The following NLRP13 variants were observed in gnomAD, a reference collection of about 807,000 sequenced individuals.
NLRP13 encodes the protein NLR family pyrin domain containing 13.
A neutral mutation model predicts 94.4 loss-of-function variants in NLRP13; 82 were observed. That is an observed-to-expected ratio of 0.87 (90% CI 0.73 to 1.04). The LOEUF (loss-of-function observed/expected upper bound fraction) is 1.04, where lower values mean the gene tolerates loss of function less well. Ranked by LOEUF, NLRP13 falls within the 50% of genes least tolerant of loss-of-function variation. The pLI, the probability that NLRP13 is intolerant of heterozygous loss-of-function variation, is 0.00. For missense variants in NLRP13, 1,426 were observed against 1,230.8 expected (o/e 1.16, Z -2.37); for synonymous variants, 553 against 464.7 (o/e 1.19, Z -2.45).
intron 5 of NLRP13, 122 bp downstream of exon 5, chr19:55,911,584 A>G: frequency 1.1e-6 from 1 of 916,870 alleles, no homozygotes; most frequent in Non-Finnish European, 1.7e-6. Flanking sequence ...GCTCCAGACC[A>G]TTTGGTCGGA....
In NLRP13 at chr19:55,901,750, C is replaced by G. The variant is rs12981300; in HGVS notation, c.2789+285G>C. Among the ~76,000 whole-genome samples the G allele has an allele frequency of 5.7e-3, 865 of 152,260 alleles. 4 individuals are homozygous for G. Among genetic ancestry groups the G allele is most frequent in the Non-Finnish European group, 9.9e-3 (676 of 68,024 alleles). ...TCCCTTTGCTGATCTGCCTTGTGTC[C>G]TTTCACCCTGATGAAGTGTAGCATG... On this transcript the variant is annotated intron_variant, in intron 9 of 10. Coordinates refer to ENST00000342929, the MANE Select transcript of NLRP13 (RefSeq NM_176810.2).
chr19:55,901,592 T>C (rs1282344342), intron 9 of NLRP13, among the ~76,000 whole-genome samples: 1 of 152,156 alleles, frequency 6.6e-6, no homozygotes, highest in Admixed American at 6.5e-5. Context: ...GGAGCGGTAC[T>C]GTGGATTGAA....
Position 55,913,203 on chromosome 19 carries a change from C to T in NLRP13, c.614G>A (p.Arg205His), listed in dbSNP as rs61740413. The T allele has an allele frequency of 2.0e-3, 3,268 of 1,614,038 alleles. 29 individuals are homozygous for T. The African/African-American group carries it at 0.022, about 11-fold the overall frequency. ...CTCATGTTCGTCCTTTGATGTATTA[C>T]GGATATATACGTGGTCTTTAGGCCA... is the stretch of plus-strand genomic sequence containing the variant. Reference protein sequence around the residue: ...ISWPKDHVYIRNTSKDEHEEL... With the variant: ...ISWPKDHVYIHNTSKDEHEEL... Residue 205 changes from arginine to histidine, a missense_variant, in exon 5 of 11, where the codon CGT (arginine) becomes CAT (histidine). Physicochemically the swap from Arg to His is conservative, Grantham distance 29. Coordinates refer to ENST00000342929, the MANE Select transcript of NLRP13 (RefSeq NM_176810.2).
intron 9 of NLRP13, 141 bp downstream of exon 9, chr19:55,901,894 C>T: frequency 1.2e-6 from 1 of 843,632 alleles, no homozygotes. Flanking sequence ...CATCCCACAC[C>T]CCCGACAAAA....
At chr19:55,930,901 A>ATATATTTTT (rs1338071833) in intron 1 of NLRP13, among the ~76,000 whole-genome samples, 3,771 of 98,160 alleles carry the variant, frequency 0.038, 148 homozygotes, top group South Asian at 0.099. Flanking sequence ...TATATATAAA[A>ATATATTTTT]TTTTAACCAG....
chr19:55,902,364 G>C (rs1413726397), intron 8 of NLRP13, among the ~76,000 whole-genome samples, 159 bp from the exon 9 acceptor site: 1 of 152,148 alleles, frequency 6.6e-6, no homozygotes, highest in East Asian at 1.9e-4. Flanking sequence ...GGCTATGGCA[G>C]TATCTTGCAT....
intron 9 of NLRP13, 41 bp from the exon 10 acceptor site, chr19:55,898,978 G>A (rs199540247): frequency 9.4e-5 from 149 of 1,580,826 alleles, no homozygotes; most frequent in African/African-American, 6.5e-4. Context: ...AAGTAATTGC[G>A]TCCCGAAGCT....
intron 10 of NLRP13, among the ~76,000 whole-genome samples, chr19:55,897,028 T>C (rs900726102): frequency 6.6e-6 from 1 of 152,180 alleles, no homozygotes; most frequent in African/African-American, 2.4e-5. Flanking sequence ...ACAAGGGATA[T>C]GAGTTTATTA....
chr19:55,902,461 G>GAA (rs200104561), intron 8 of NLRP13, among the ~76,000 whole-genome samples: 3 of 149,750 alleles, frequency 2.0e-5, no homozygotes, highest in East Asian at 3.9e-4. Flanking sequence ...AAAAAATAAA[G>GAA]AAAAAAAAAA....
Position 55,905,049 on chromosome 19 carries a change from G to A in NLRP13, c.2511C>T (p.Ile837=). 6.2e-7 allele frequency: 1 copy of A among 1,613,862 alleles called. No homozygotes were observed. Among genetic ancestry groups the A allele is most frequent in the South Asian group, 1.1e-5 (1 of 91,046 alleles). ...CQDLALFLTS[I]QHVTRLCLGF... is the part of the protein sequence containing the mutation. Reference sequence around the variant, plus strand: ...CCAGGCACAATCGAGTTACGTGTTGGATGCTGGTGAGAAACAAGGCTAGGT... The same window carrying A: ...CCAGGCACAATCGAGTTACGTGTTGAATGCTGGTGAGAAACAAGGCTAGGT... Residue 837 remains isoleucine (I), a synonymous_variant, in exon 8 of 11, where the codon ATC becomes ATT. Transcript: ENST00000342929.
intron 10 of NLRP13, 80 bp from the exon 11 acceptor site, chr19:55,896,199 A>G: frequency 6.8e-7 from 1 of 1,480,906 alleles, no homozygotes; most frequent in East Asian, 2.3e-5. Context: ...CATCTGCAGG[A>G]AAAAAACTAT....
chr19:55,905,294 C>A (rs1394946067), intron 7 of NLRP13, among the ~76,000 whole-genome samples, 182 bp from the exon 8 acceptor site: 3 of 151,762 alleles, frequency 2.0e-5, no homozygotes, highest in Non-Finnish European at 2.9e-5. Context: ...GTAATCCCAG[C>A]AGTTTGGGAG....
intron 1 of NLRP13, among the ~76,000 whole-genome samples, chr19:55,931,299 G>A (rs1230265451): frequency 6.6e-6 from 1 of 152,076 alleles, no homozygotes; most frequent in Non-Finnish European, 1.5e-5. Context: ...GGCGGGGGTT[G>A]TTGTGGTTTC....
chr19:55,894,602 G>A (rs1985949343), downstream of NLRP13, among the ~76,000 whole-genome samples: 1 of 152,122 alleles, frequency 6.6e-6, no homozygotes, highest in African/African-American at 2.4e-5. Context: ...CAAGCCCCTT[G>A]CTATTCTGGT....
chr19:55,910,738 A>T lies in NLRP13; in HGVS notation c.2112-5T>A. ...CTGGAATCAAACTTGCTTGTCCTTC[A>T]TGAGGGAGAGACAGAACACGGATAA... is the stretch of plus-strand genomic sequence containing the variant. On this transcript the variant is annotated splice_region_variant and splice_polypyrimidine_tract_variant and intron_variant, in intron 5 of 10. Transcript: ENST00000342929. 6.2e-7 allele frequency: 1 copy of T among 1,604,194 alleles called. No individual in the cohort carries two copies.
intron 4 of NLRP13, among the ~76,000 whole-genome samples, chr19:55,922,124 T>A (rs965472571): frequency 1.3e-5 from 2 of 151,936 alleles, no homozygotes; most frequent in African/African-American, 4.8e-5. Flanking sequence ...AACCATCAGA[T>A]CTCAGGAGAC....
At chr19:55,924,693 C>A in intron 2 of NLRP13, 35 bp from the exon 3 acceptor site, 1 of 1,575,610 alleles carries the variant, frequency 6.3e-7, no homozygotes, top group Admixed American at 1.7e-5. Flanking sequence ...TATGAAAATA[C>A]CCCAGAGTGA....
rs67273235 is a variant in NLRP13, at chr19:55,898,206, G to GTTTTTTTTTT, written c.2957+563_2957+564insAAAAAAAAAA. Among the ~76,000 whole-genome samples, 4 of 20,068 alleles carry GTTTTTTTTTT rather than the reference G, an allele frequency of 2.0e-4. 1 individual carries two copies. Among genetic ancestry groups the GTTTTTTTTTT allele is most frequent in the African/African-American group, 5.8e-4 (3 of 5,184 alleles). The allele number at this position is 20,068 out of a possible 152,430, so 13.2% of individuals were successfully genotyped here. A position where few individuals can be genotyped will look rare whatever the true frequency, so the allele number is the denominator to read the frequency against. ...ATCTAGCAGGAGAGTTTTTGTTTTT[G>GTTTTTTTTTT]TTTTTGTTTTTTTTTTTTTTGAGAT... On this transcript the variant is annotated intron_variant, in intron 10 of 10. Transcript: ENST00000342929.
intron 1 of NLRP13, among the ~76,000 whole-genome samples, chr19:55,925,602 G>A (rs975323134): frequency 6.6e-6 from 1 of 152,088 alleles, no homozygotes; most frequent in Non-Finnish European, 1.5e-5. Flanking sequence ...CAAGAATTGG[G>A]TTCAAACCAA....
Sources: gnomAD v4.1 joint callset for allele counts (sites outside exome capture counted in the v4.1 genomes callset) on GRCh38, gnomAD v4.1.1 for gene constraint, MANE v1.5 for transcripts, NCBI Gene and HGNC (gene_info 2026-07-23, HGNC 2026-07-21) for gene names.